UTP18: variants seen among roughly 807,000 people sequenced by gnomAD.
UTP18 encodes the protein U3 small nucleolar RNA-associated protein 18 homolog.
UTP18 carries 36 observed loss-of-function variants against 61.1 expected under a neutral mutation model. The observed-to-expected ratio is 0.59, with a 90% CI of 0.45 to 0.78. The LOEUF (loss-of-function observed/expected upper bound fraction) is 0.78, where lower values mean the gene tolerates loss of function less well. UTP18 is among the 30% of genes least tolerant of loss of function. UTP18 has a pLI of 0.00. For missense variants in UTP18, 753 were observed against 693.9 expected, an observed-to-expected ratio of 1.09 and a Z score of -0.96; for synonymous variants, 282 against 251.1, an observed-to-expected ratio of 1.12 and a Z score of -1.16.
At chr17:51,294,178 C>G (rs1169726084) in intron 12 of UTP18, 133 bp downstream of exon 12, 2 of 654,710 alleles carry the variant, frequency 3.1e-6, no homozygotes, top group African/African-American at 1.9e-5. Context: ...TCTTCATTAT[C>G]TTACTTTGGG....
Position 51,285,091 on chromosome 17 carries a change from ATATTCT to A in UTP18, c.1205-151_1205-146del, listed in dbSNP as rs972224557. Among the ~76,000 whole-genome samples the A allele has an allele frequency of 1.1e-4, 16 of 152,172 alleles. No homozygotes were observed. In the East Asian group the frequency reaches 2.1e-3, roughly 20 times the overall value. The stretch of plus-strand genomic sequence containing the variant: ...AAAAAAAAAGGAAAAAAGAAAAGAA[ATATTCT>A]TAGTCCAGTTTTCCAGAACTAGGAG... On this transcript the variant is annotated intron_variant, in intron 9 of 13. Transcript: ENST00000225298.
At chr17:51,293,862 C>A (rs1905293376) in intron 11 of UTP18, 41 bp from the exon 12 acceptor site, 4 of 1,448,450 alleles carry the variant, frequency 2.8e-6, no homozygotes, top group African/African-American at 2.9e-5. Flanking sequence ...AACATGAGCT[C>A]CCAGTTGTTA....
intron 4 of UTP18, among the ~76,000 whole-genome samples, chr17:51,270,678 A>C (rs1904499810): frequency 6.6e-6 from 1 of 152,144 alleles, no homozygotes; most frequent in African/African-American, 2.4e-5. Context: ...GGCTTATAGG[A>C]GGAGAAAGAG....
At position 51,266,294 on chromosome 17, in the gene UTP18, T is replaced by G; in HGVS notation, c.554+14T>G. 1 of 1,563,910 alleles carries G rather than the reference T, an allele frequency of 6.4e-7. No homozygotes were observed. The highest frequency in any genetic ancestry group is 8.6e-7 in the Non-Finnish European group (1 of 1,156,236). On this transcript the variant is annotated intron_variant, in intron 3 of 13. Transcript: ENST00000225298. The stretch of plus-strand genomic sequence containing the variant: ...ACTTAAAGAAGAGTAAGTGTCTTTT[T>G]TCATATGATTTACCAAGAGGTGTAT...
chr17:51,284,453 C>G (rs1905042381), intron 9 of UTP18, among the ~76,000 whole-genome samples: 1 of 151,960 alleles, frequency 6.6e-6, no homozygotes. Context: ...TTATAAATTC[C>G]CGTGTTCTGG....
At chr17:51,283,059 G>A (rs1319265223) in intron 9 of UTP18, among the ~76,000 whole-genome samples, 3 of 151,786 alleles carry the variant, frequency 2.0e-5, no homozygotes, top group South Asian at 4.2e-4. Flanking sequence ...AGTAGAGACG[G>A]GGTTTTCTTG....
chr17:51,285,506 A>T, intron 10 of UTP18, 138 bp downstream of exon 10: 1 of 1,013,964 alleles, frequency 9.9e-7, no homozygotes, highest in Middle Eastern at 2.4e-4. Context: ...AACCCAGCTG[A>T]GCTTTTTTCA....
chr17:51,262,335 C>A (rs780427398), intron 1 of UTP18, among the ~76,000 whole-genome samples: 4 of 152,082 alleles, frequency 2.6e-5, no homozygotes, highest in Non-Finnish European at 5.9e-5. Flanking sequence ...CCGCCCGCCT[C>A]GGCCTCCCAA....
intron 11 of UTP18, among the ~76,000 whole-genome samples, chr17:51,293,259 CTCTT>C (rs762355938): frequency 4.6e-5 from 7 of 150,720 alleles, no homozygotes; most frequent in African/African-American, 1.5e-4. Flanking sequence ...ACGCTTTTTT[CTCTT>C]TCTTCCTTTT....
At chr17:51,292,525 G>GT (rs1207597827) in intron 11 of UTP18, among the ~76,000 whole-genome samples, 1 of 152,244 alleles carries the variant, frequency 6.6e-6, no homozygotes, top group African/African-American at 2.4e-5. Context: ...TGTATCAGTG[G>GT]TTTTTACCCA....
At chr17:51,263,461 T>A in intron 2 of UTP18, 75 bp downstream of exon 2, 1 of 1,084,348 alleles carries the variant, frequency 9.2e-7, no homozygotes, top group Non-Finnish European at 1.3e-6. Context: ...AAAATCATTC[T>A]TTTTACCAAT....
At chr17:51,286,505 G>GTA (rs1370343231) in intron 10 of UTP18, 20 of 456,196 alleles carry the variant, frequency 4.4e-5, no homozygotes, top group African/African-American at 2.6e-4. Flanking sequence ...GAAACTGCTT[G>GTA]TATATATATC....
chr17:51,272,974 G>A (rs1299614042), intron 4 of UTP18, among the ~76,000 whole-genome samples: 1 of 152,200 alleles, frequency 6.6e-6, no homozygotes, highest in Non-Finnish European at 1.5e-5. Flanking sequence ...ATTCATGTGA[G>A]TTGTTAAACT....
At chr17:51,290,197 C>G (rs1423297507) in intron 11 of UTP18, among the ~76,000 whole-genome samples, 3 of 152,126 alleles carry the variant, frequency 2.0e-5, no homozygotes, top group Admixed American at 2.0e-4. Context: ...GGGTGGATCA[C>G]TTGAGGTCAG....
At chr17:51,290,720 A>T (rs1006792581) in intron 11 of UTP18, among the ~76,000 whole-genome samples, 4 of 151,952 alleles carry the variant, frequency 2.6e-5, no homozygotes, top group African/African-American at 9.7e-5. Context: ...CAGCATTTAT[A>T]TTTTTTTTAT....
At chr17:51,261,736 C>T (rs8076463) in intron 1 of UTP18, among the ~76,000 whole-genome samples, 16,625 of 151,832 alleles carry the variant, frequency 0.11, 1,457 homozygotes, top group African/African-American at 0.23. Flanking sequence ...GTGTAGAGGC[C>T]TGTGAAATTT....
chr17:51,280,399 T>A lies in UTP18; in HGVS notation c.1124T>A (p.Leu375Gln), dbSNP rs774878820. The change falls in exon 9 of 14, where the codon CTG (leucine) becomes CAG (glutamine). Residue 375 changes from leucine to glutamine, a missense_variant. Physicochemically the swap from Leu to Gln is moderately radical, Grantham distance 113. Transcript: ENST00000225298. ...LHLLAMKTKE[L>Q]IGSMKINGRV... ...TATTTATTGTTTTAGACCAAAGAAC[T>A]GATTGGAAGCATGAAAATTAATGGA... is the stretch of plus-strand genomic sequence containing the variant. 6.2e-7 allele frequency: 1 copy of A among 1,614,120 alleles called. No individual in the cohort carries two copies. Among genetic ancestry groups the A allele is most frequent in the Non-Finnish European group, 8.5e-7 (1 of 1,179,962 alleles).
At chr17:51,288,268 T>G in intron 11 of UTP18, 65 bp downstream of exon 11, 1 of 1,421,094 alleles carries the variant, frequency 7.0e-7, no homozygotes, top group South Asian at 1.5e-5. Context: ...CATGCAAGAG[T>G]AACAGGAAAG....
chr17:51,280,270 A>G lies in UTP18; in HGVS notation c.1114-119A>G, dbSNP rs991166867. 4.5e-6 allele frequency: 6 copies of G among 1,324,308 alleles called. No homozygotes were observed. In the African/African-American group the frequency reaches 8.9e-5, roughly 20 times the overall value. 82.0% of individuals were successfully genotyped at this position (1,324,308 alleles called of 1,614,324 possible). On this transcript the variant is annotated intron_variant, in intron 8 of 13. Coordinates refer to ENST00000225298, the MANE Select transcript of UTP18 (RefSeq NM_016001.3). The stretch of plus-strand genomic sequence containing the variant: ...CAGTTGGGGGAGAGCTTTTGATTAC[A>G]GGGAAAAATAAAGTTGAGTAGGTGC...
Sources: gnomAD v4.1 joint callset for allele counts (sites outside exome capture counted in the v4.1 genomes callset) on GRCh38, gnomAD v4.1.1 for gene constraint, MANE v1.5 for transcripts, NCBI Gene and HGNC (gene_info 2026-07-23, HGNC 2026-07-21) for gene names.